The following KIF13B variants were observed in gnomAD, a reference collection of about 807,000 sequenced individuals.
KIF13B encodes the protein kinesin-like protein KIF13B.
A neutral mutation model predicts 222.0 loss-of-function variants in KIF13B; 127 were observed. The observed-to-expected ratio is 0.57, with a 90% CI of 0.50 to 0.66. The LOEUF is 0.66. KIF13B is among the 30% of genes least tolerant of loss of function. The pLI is 0.00. For synonymous variants in KIF13B, 976 were observed against 919.0 expected (o/e 1.06, Z -1.12); for missense variants, 2,173 against 2,379.0 (o/e 0.91, Z 1.80).
At chr8:29,090,555 C>A (rs538976603) in intron 37 of KIF13B, among the ~76,000 whole-genome samples, 1 of 152,092 alleles carries the variant, frequency 6.6e-6, no homozygotes, top group East Asian at 1.9e-4. Flanking sequence ...GAGGACAAGG[C>A]GGTGTGGGCA....
Position 29,070,664 on chromosome 8 carries a change from A to C in KIF13B, c.5321T>G (p.Val1774Gly). Residue 1774 changes from valine to glycine, a missense_variant, in exon 40 of 40, where the codon GTG becomes GGG. Transcript: ENST00000524189. This position sits in a 1 kb window ranked among gnomAD's most constrained non-coding sequence, Gnocchi z 4.1. ...PSRVRRATGP[V>G]RRRSTGLRLG... ...CCGGAGTCCTGTGCTGCGCCGCCGC[A>C]CAGGGCCCGTGGCCCTGCGGACCCG... The C allele has an allele frequency of 6.4e-7, 1 of 1,562,370 alleles. No homozygotes were observed. Among genetic ancestry groups the C allele is most frequent in the Non-Finnish European group, 8.7e-7 (1 of 1,153,588 alleles).
In KIF13B at chr8:29,140,626, AG is replaced by A; in HGVS notation, c.2335-10del. 6.2e-7 allele frequency: 1 copy of A among 1,604,342 alleles called. No individual in the cohort carries two copies. The highest frequency in any genetic ancestry group is 8.5e-7 in the Non-Finnish European group (1 of 1,174,960). ...AAGTATGATCGTATTACCTGTAAAGAGATTGAGAACACACAACTTCAGAAAA... is the reference window on the plus strand; with the variant it reads ...AAGTATGATCGTATTACCTGTAAAGAATTGAGAACACACAACTTCAGAAAA... On this transcript the variant is annotated splice_polypyrimidine_tract_variant and intron_variant, in intron 19 of 39. Coordinates refer to ENST00000524189, the MANE Select transcript of KIF13B (RefSeq NM_015254.4).
At chr8:29,106,865 G>A (rs1809096597) in intron 35 of KIF13B, among the ~76,000 whole-genome samples, 1 of 152,062 alleles carries the variant, frequency 6.6e-6, no homozygotes, top group Non-Finnish European at 1.5e-5. Flanking sequence ...CCTCACATCA[G>A]ACCATCTCAT....
intron 32 of KIF13B, 95 bp downstream of exon 32, chr8:29,113,368 T>G (rs1427465366): frequency 1.1e-5 from 7 of 655,486 alleles, no homozygotes; most frequent in Non-Finnish European, 1.6e-5. Flanking sequence ...ACATACACTT[T>G]CACTTCATAT....
At chr8:29,196,081 C>A in intron 3 of KIF13B, 106 bp downstream of exon 3, 2 of 1,025,332 alleles carry the variant, frequency 2.0e-6, no homozygotes, top group Non-Finnish European at 2.9e-6. Flanking sequence ...ATTACTTGTA[C>A]AAAATGATAG....
In KIF13B at chr8:29,225,496, C is replaced by T. The variant is rs556048383; in HGVS notation, c.149+19850G>A. Among the ~76,000 whole-genome samples, 7 of 152,108 alleles carry T rather than the reference C, an allele frequency of 4.6e-5. No individual in the cohort carries two copies. The East Asian group carries it at 7.7e-4, about 17-fold the overall frequency. On this transcript the variant is annotated intron_variant, in intron 2 of 39. Coordinates refer to ENST00000524189, the MANE Select transcript of KIF13B (RefSeq NM_015254.4). The stretch of plus-strand genomic sequence containing the variant: ...TCAAAGGCTGTTGAAATGATGCTGG[C>T]GAAGATACAGTGGAGGTGTGCCCTG...
chr8:29,121,068 T>C (rs1216515795), intron 29 of KIF13B, among the ~76,000 whole-genome samples: 1 of 151,012 alleles, frequency 6.6e-6, no homozygotes, highest in Non-Finnish European at 1.5e-5. Context: ...TCATTGTAGA[T>C]TCTGGATATT....
chr8:29,173,143 G>T lies in KIF13B; in HGVS notation c.945+2925C>A, dbSNP rs145796304. Among the ~76,000 whole-genome samples, 561 of 152,140 alleles carry T rather than the reference G, an allele frequency of 3.7e-3. 5 individuals carry two copies. Among genetic ancestry groups the T allele is most frequent in the African/African-American group, 0.013 (536 of 41,524 alleles). On this transcript the variant is annotated intron_variant, in intron 10 of 39. Transcript: ENST00000524189. ...TTGGCCAAGCTGGTCTCGAACTCCT[G>T]ACCTCAGCTGATCCTCCCACCTAGG...
At chr8:29,235,845 T>A (rs1815485005) in intron 2 of KIF13B, among the ~76,000 whole-genome samples, 1 of 152,112 alleles carries the variant, frequency 6.6e-6, no homozygotes, top group African/African-American at 2.4e-5. Flanking sequence ...TACGTTGTCA[T>A]CTAAACACAA....
rs747376298 is a variant in KIF13B, at chr8:29,148,698, G to T, written c.1692C>A (p.Asn564Lys). 1.2e-6 allele frequency: 2 copies of T among 1,611,716 alleles called. No individual in the cohort carries two copies. Among genetic ancestry groups the T allele is most frequent in the African/African-American group, 2.7e-5 (2 of 74,928 alleles). ...CATCCAGCTGCTCAGAACTATTCTCGTTCTTCATGGAGGGATCCTGGTCCT... is the reference window on the plus strand; with the variant it reads ...CATCCAGCTGCTCAGAACTATTCTCTTTCTTCATGGAGGGATCCTGGTCCT... ...EDEDQDPSMK[N>K]ENSSEQLDVD... The change falls in exon 16 of 40, where the codon AAC becomes AAA. Residue 564 changes from asparagine (N) to lysine (K), a missense_variant. Asn to Lys is a moderately conservative substitution (Grantham distance 94, BLOSUM62 0). Transcript: ENST00000524189.
intron 32 of KIF13B, 75 bp downstream of exon 32, chr8:29,113,388 G>T: frequency 1.2e-6 from 1 of 820,634 alleles, no homozygotes. Flanking sequence ...TGTATGTCAT[G>T]GGTAGGTCAC....
In KIF13B at chr8:29,180,156, T is replaced by A; in HGVS notation, c.668A>T (p.His223Leu). The A allele has an allele frequency of 1.2e-6, 2 of 1,614,032 alleles. No individual in the cohort carries two copies. The highest frequency in any genetic ancestry group is 1.7e-6 in the Non-Finnish European group (2 of 1,179,878). ...TGTGAGGGTGATTTTGAAAACTGCA[T>A]GGGATCGGCTACTCTCCTCGTTCAT... ...TNMNEESSRSHAVFKITLTHT... is the reference protein window; with the variant it reads ...TNMNEESSRSLAVFKITLTHT... The change falls in exon 8 of 40, where the codon CAT becomes CTT. Residue 223 changes from histidine to leucine, a missense_variant. Physicochemically the swap from His to Leu is moderately conservative, Grantham distance 99. Transcript: ENST00000524189.
intron 6 of KIF13B, among the ~76,000 whole-genome samples, chr8:29,182,960 T>C (rs1812773719): frequency 6.6e-6 from 1 of 152,030 alleles, no homozygotes; most frequent in Non-Finnish European, 1.5e-5. Context: ...AGTATATACA[T>C]GATCAAAACA....
chr8:29,079,750 T>C (rs1276434985), intron 37 of KIF13B, among the ~76,000 whole-genome samples: 1 of 152,238 alleles, frequency 6.6e-6, no homozygotes, highest in African/African-American at 2.4e-5. Context: ...CCCCTTACCC[T>C]GAATTTCAGA....
Position 29,117,370 on chromosome 8 carries a change from A to G in KIF13B, c.3661-363T>C, listed in dbSNP as rs192706989. 1.1e-3 allele frequency among the ~76,000 whole-genome samples: 173 copies of G among 152,336 alleles called. 2 individuals are homozygous for G. Among genetic ancestry groups the G allele is most frequent in the African/African-American group, 3.9e-3 (162 of 41,570 alleles). On this transcript the variant is annotated intron_variant, in intron 30 of 39. Coordinates refer to ENST00000524189, the MANE Select transcript of KIF13B (RefSeq NM_015254.4). ...TCTTTCTCACAACTCACACACACACATTATTACTTTTGCTAAACCACTTTC... is the reference window on the plus strand; with the variant it reads ...TCTTTCTCACAACTCACACACACACGTTATTACTTTTGCTAAACCACTTTC...
intron 34 of KIF13B, among the ~76,000 whole-genome samples, 159 bp downstream of exon 34, chr8:29,109,275 G>A (rs1434271745): frequency 6.6e-6 from 1 of 152,214 alleles, no homozygotes; most frequent in Non-Finnish European, 1.5e-5. Context: ...GGGCAGAGGT[G>A]CACAGACCCA....
At chr8:29,191,349 AATTAGTG>A (rs1813176707) in intron 3 of KIF13B, among the ~76,000 whole-genome samples, 2 of 147,128 alleles carry the variant, frequency 1.4e-5, no homozygotes, top group African/African-American at 5.1e-5. Context: ...TTTGCAGCGA[AATTAGTG>A]ATCTGTTTCA....
intron 35 of KIF13B, among the ~76,000 whole-genome samples, chr8:29,107,101 T>C (rs1809106651): frequency 1.3e-5 from 2 of 151,708 alleles, no homozygotes; most frequent in South Asian, 2.1e-4. Flanking sequence ...CTATTACACA[T>C]AAATAAATTC....
rs765325902 is a variant in KIF13B, at chr8:29,070,718, G to C, written c.5267C>G (p.Pro1756Arg). Residue 1756 changes from proline to arginine, a missense_variant, in exon 40 of 40, where the codon CCT becomes CGT. Around this residue, in one of 2 missense-constraint regions of KIF13B, gnomAD observed 693 missense variants for 656.2 expected, o/e 1.06. Transcript: ENST00000524189. This position sits in a 1 kb window ranked among gnomAD's most constrained non-coding sequence, Gnocchi z 4.1. ...GGGCCTGACCAGCAGCCCGTAGCCAGGGTTACACCTGAAGTACTGCTTCCC... is the reference window on the plus strand; with the variant it reads ...GGGCCTGACCAGCAGCCCGTAGCCACGGTTACACCTGAAGTACTGCTTCCC... ...IGGKQYFRCN[P>R]GYGLLVRPSR... 68 of 1,563,940 alleles carry C rather than the reference G, an allele frequency of 4.3e-5. No individual in the cohort carries two copies. Among genetic ancestry groups the C allele is most frequent in the Non-Finnish European group, 5.8e-5 (67 of 1,154,838 alleles).
Sources: allele counts gnomAD v4.1 joint callset (sites outside exome capture counted in the v4.1 genomes callset), GRCh38; gene constraint gnomAD v4.1.1; regional missense constraint gnomAD v4.1.1; non-coding constraint Gnocchi (gnomAD v3.1); transcripts MANE v1.5; gene names NCBI Gene and HGNC (gene_info 2026-07-23, HGNC 2026-07-21).